The following MAN1C1 variants were observed in gnomAD, a reference collection of about 807,000 sequenced individuals.
The protein encoded by MAN1C1 is mannosyl-oligosaccharide 1,2-alpha-mannosidase IC.
Under a neutral mutation model 71.5 loss-of-function variants are expected in MAN1C1, and 49 were observed. The ratio of observed to expected loss-of-function variants is 0.69; its 90% CI spans 0.54 to 0.87. The LOEUF is 0.87. Among genes scored for constraint, MAN1C1 ranks in the 40% least tolerant of loss-of-function variants. The pLI is 0.00. For missense variants in MAN1C1, 743 were observed against 835.0 expected, an observed-to-expected ratio of 0.89 and a Z score of 1.36; for synonymous variants, 352 against 343.7, an observed-to-expected ratio of 1.02 and a Z score of -0.27.
intron 1 of MAN1C1, among the ~76,000 whole-genome samples, chr1:25,657,798 G>T (rs1217704088): frequency 6.6e-6 from 1 of 152,168 alleles, no homozygotes; most frequent in East Asian, 1.9e-4. Context: ...GGCTACCAGC[G>T]CCTTGTATAT....
At chr1:25,723,105 T>C (rs2046788419) in intron 2 of MAN1C1, among the ~76,000 whole-genome samples, 1 of 136,024 alleles carries the variant, frequency 7.4e-6, no homozygotes. Flanking sequence ...TGCCGGGAAA[T>C]TAATGGACCT....
At chr1:25,728,114 A>G (rs1261721598) in intron 2 of MAN1C1, among the ~76,000 whole-genome samples, 1 of 152,196 alleles carries the variant, frequency 6.6e-6, no homozygotes, top group Non-Finnish European at 1.5e-5. Context: ...CGGCTCAGCT[A>G]TTTGAGGAGC....
intron 4 of MAN1C1, among the ~76,000 whole-genome samples, chr1:25,750,052 C>G (rs1156484948): frequency 6.6e-6 from 1 of 152,184 alleles, no homozygotes; most frequent in Non-Finnish European, 1.5e-5. Flanking sequence ...GGCCCTCACT[C>G]CACACCACCC....
intron 2 of MAN1C1, among the ~76,000 whole-genome samples, chr1:25,719,403 A>G (rs1425314244): frequency 3.9e-5 from 4 of 101,988 alleles, no homozygotes; most frequent in African/African-American, 2.8e-4. Flanking sequence ...TCTTTTATTT[A>G]TTTATTTATT....
At chr1:25,751,410 G>C (rs749233302) in intron 4 of MAN1C1, among the ~76,000 whole-genome samples, 12 of 151,758 alleles carry the variant, frequency 7.9e-5, no homozygotes, top group Non-Finnish European at 1.8e-4. Flanking sequence ...AAGGGCATCT[G>C]TGGTTCTGAG....
intron 4 of MAN1C1, among the ~76,000 whole-genome samples, chr1:25,750,883 C>T (rs764222095): frequency 1.9e-4 from 29 of 152,184 alleles, no homozygotes; most frequent in Non-Finnish European, 4.3e-4. Context: ...GGGGAGGACA[C>T]AGCTCAGGGC....
intron 1 of MAN1C1, among the ~76,000 whole-genome samples, chr1:25,656,442 G>A (rs542892099): frequency 6.6e-6 from 1 of 152,126 alleles, no homozygotes; most frequent in Non-Finnish European, 1.5e-5. Context: ...AGGCTACGGA[G>A]ACATTTGGCG....
At chr1:25,652,704 C>G (rs536340207) in intron 1 of MAN1C1, among the ~76,000 whole-genome samples, 2 of 152,230 alleles carry the variant, frequency 1.3e-5, no homozygotes, top group Non-Finnish European at 2.9e-5. Context: ...TACTCAACCT[C>G]TGCCTCAATG....
chr1:25,760,565 C>T (rs1427163922), intron 6 of MAN1C1: 3 of 152,222 alleles, frequency 2.0e-5, no homozygotes, highest in Non-Finnish European at 4.4e-5. Context: ...CTTCACTGCT[C>T]ACCACCAGGA....
chr1:25,742,734 C>G (rs542653273), intron 2 of MAN1C1, among the ~76,000 whole-genome samples: 2 of 152,322 alleles, frequency 1.3e-5, no homozygotes, highest in East Asian at 3.9e-4. Context: ...ATGGCTTGCC[C>G]TATTGCACAG....
intron 1 of MAN1C1, among the ~76,000 whole-genome samples, chr1:25,629,753 T>C (rs192906613): frequency 2.0e-5 from 3 of 151,264 alleles, no homozygotes; most frequent in Admixed American, 2.0e-4. Flanking sequence ...TTTTTTTTTT[T>C]CTGATTTGAG....
intron 4 of MAN1C1, among the ~76,000 whole-genome samples, chr1:25,752,355 C>T (rs1362520400): frequency 1.3e-5 from 2 of 152,082 alleles, no homozygotes; most frequent in African/African-American, 4.8e-5. Context: ...TTGGTAGAGA[C>T]GGGGTTTCAC....
intron 7 of MAN1C1, among the ~76,000 whole-genome samples, chr1:25,770,219 C>G (rs1412519708): frequency 3.3e-5 from 5 of 152,230 alleles, no homozygotes; most frequent in Non-Finnish European, 7.3e-5. Context: ...GTCCAGCCCA[C>G]CCCAGCCCTT....
At position 25,617,562 on chromosome 1, in the gene MAN1C1, G is replaced by A. The variant is rs899297825; in HGVS notation, c.-236G>A. 9.3e-6 allele frequency: 3 copies of A among 323,332 alleles called. No homozygotes were observed. Among genetic ancestry groups the A allele is most frequent in the Non-Finnish European group, 1.1e-5 (2 of 177,590 alleles). The allele number at this position is 323,332 out of a possible 1,614,324, so 20.0% of individuals were successfully genotyped here. On this transcript the variant is annotated 5_prime_UTR_variant, in exon 1 of 12. Coordinates refer to ENST00000374332, the MANE Select transcript of MAN1C1 (RefSeq NM_020379.4). This position sits in a 1 kb window ranked among gnomAD's most constrained non-coding sequence, Gnocchi z 5.1. Reference sequence around the variant, plus strand: ...GCGGGCCCGGGCCCCAAGCCGTGCCGCTCCGCTCGCCCGGGCCCCGCCGAG... The same window carrying A: ...GCGGGCCCGGGCCCCAAGCCGTGCCACTCCGCTCGCCCGGGCCCCGCCGAG...
intron 1 of MAN1C1, among the ~76,000 whole-genome samples, chr1:25,667,999 C>T (rs1014692230): frequency 1.3e-5 from 2 of 152,124 alleles, no homozygotes; most frequent in African/African-American, 2.4e-5. Context: ...AAGGCTAGGC[C>T]GGTCTGTTTA....
At chr1:25,766,765 C>G (rs2047433203) in intron 7 of MAN1C1, among the ~76,000 whole-genome samples, 1 of 152,124 alleles carries the variant, frequency 6.6e-6, no homozygotes, top group Non-Finnish European at 1.5e-5. Context: ...GGTGCGGCAC[C>G]TGAGTAACTT....
chr1:25,642,789 G>A (rs757110643), intron 1 of MAN1C1, among the ~76,000 whole-genome samples: 7 of 152,180 alleles, frequency 4.6e-5, no homozygotes, highest in Non-Finnish European at 7.3e-5. Flanking sequence ...CTGTTAAATC[G>A]TATATGAAAC....
At position 25,753,938 on chromosome 1, in the gene MAN1C1, C is replaced by T. The variant is rs2047251115; in HGVS notation, c.929+360C>T. On this transcript the variant is annotated intron_variant, in intron 5 of 11. Transcript: ENST00000374332. This position sits in a 1 kb window ranked among gnomAD's most constrained non-coding sequence, Gnocchi z 4.9. Reference sequence around the variant, plus strand: ...TGGACATCCCACAGTGCTGTCTTGACTTGAGAGTCTTCCACAATGGCCCCA... The same window carrying T: ...TGGACATCCCACAGTGCTGTCTTGATTTGAGAGTCTTCCACAATGGCCCCA... 2.6e-5 allele frequency among the ~76,000 whole-genome samples: 4 copies of T among 152,292 alleles called. No individual in the cohort carries two copies. In the South Asian group the frequency reaches 6.2e-4, roughly 24 times the overall value.
intron 2 of MAN1C1, among the ~76,000 whole-genome samples, chr1:25,743,993 C>T (rs1421698186): frequency 1.3e-5 from 2 of 152,146 alleles, no homozygotes; most frequent in Non-Finnish European, 2.9e-5. Flanking sequence ...TGGGCCAGTC[C>T]CCCCTTGGTC....
Sources: gnomAD v4.1 joint callset for allele counts (sites outside exome capture counted in the v4.1 genomes callset) on GRCh38, gnomAD v4.1.1 for gene constraint, Gnocchi (gnomAD v3.1) non-coding constraint, MANE v1.5 for transcripts, NCBI Gene and HGNC (gene_info 2026-07-23, HGNC 2026-07-21) for gene names.